LRRC4C: variants seen among roughly 807,000 people sequenced by gnomAD.
LRRC4C encodes the protein leucine rich repeat containing 4C, also known as leucine-rich repeat-containing protein 4C.
In LRRC4C, 5 loss-of-function variants were observed where a neutral mutation model predicts 33.6. That is an observed-to-expected ratio of 0.15 (90% CI 0.08 to 0.31). LRRC4C has a LOEUF of 0.31. LRRC4C is among the 10% of genes least tolerant of loss of function. The pLI, the probability that LRRC4C is intolerant of heterozygous loss-of-function variation, is 1.00. For missense variants in LRRC4C, 560 were observed against 796.7 expected (o/e 0.70, Z 3.58); for synonymous variants, 329 against 302.0 (o/e 1.09, Z -0.93).
chr11:41,456,426 G>A (rs1439847231), intron 1 of LRRC4C, among the ~76,000 whole-genome samples: 1 of 151,694 alleles, frequency 6.6e-6, no homozygotes, highest in Non-Finnish European at 1.5e-5. Flanking sequence ...TGTCAACCCT[G>A]TTTGTTACAG....
chr11:41,245,616 G>T (rs1021272369), intron 1 of LRRC4C, among the ~76,000 whole-genome samples: 7 of 152,348 alleles, frequency 4.6e-5, no homozygotes, highest in Admixed American at 3.9e-4. Context: ...GGAGCTCCTA[G>T]GTCTGGGCTC....
chr11:40,546,940 T>C (rs889349480), intron 3 of LRRC4C, among the ~76,000 whole-genome samples: 3 of 152,078 alleles, frequency 2.0e-5, no homozygotes, highest in Admixed American at 2.0e-4. Flanking sequence ...TGCCAGAAAA[T>C]GGCAATAGTT....
intron 1 of LRRC4C, among the ~76,000 whole-genome samples, chr11:41,308,423 A>T (rs1950560816): frequency 6.6e-6 from 1 of 152,152 alleles, no homozygotes; most frequent in African/African-American, 2.4e-5. Context: ...ACCATGTAAC[A>T]GGAGGCTGGC....
chr11:41,321,411 A>C (rs974372259), intron 1 of LRRC4C, among the ~76,000 whole-genome samples: 1 of 152,200 alleles, frequency 6.6e-6, no homozygotes, highest in Non-Finnish European at 1.5e-5. Context: ...GCTAGATTTA[A>C]GGAAAATTTT....
At chr11:41,174,548 T>A (rs1945113568) in intron 1 of LRRC4C, among the ~76,000 whole-genome samples, 1 of 152,126 alleles carries the variant, frequency 6.6e-6, no homozygotes, top group Non-Finnish European at 1.5e-5. Flanking sequence ...CAAATCTGCC[T>A]GGATTTTTTT....
intron 1 of LRRC4C, among the ~76,000 whole-genome samples, chr11:41,230,640 C>A (rs1947745419): frequency 6.6e-6 from 1 of 151,930 alleles, no homozygotes; most frequent in African/African-American, 2.4e-5. Context: ...TGTTTTCCTT[C>A]TCTTTCTAAA....
intron 4 of LRRC4C, among the ~76,000 whole-genome samples, chr11:40,309,515 A>ATT (rs72004575): frequency 0.58 from 84,808 of 145,848 alleles, 25,445 homozygotes; most frequent in East Asian, 0.69. Context: ...GCAGAAGTGT[A>ATT]TTTTTTTTTT....
chr11:40,749,093 A>G (rs1591620802), intron 2 of LRRC4C, among the ~76,000 whole-genome samples: 1 of 152,150 alleles, frequency 6.6e-6, no homozygotes, highest in East Asian at 1.9e-4. Context: ...AAGAAAAGCA[A>G]GATTTAAATT....
At chr11:41,264,778 T>C (rs1949096074) in intron 1 of LRRC4C, among the ~76,000 whole-genome samples, 1 of 152,152 alleles carries the variant, frequency 6.6e-6, no homozygotes, top group South Asian at 2.1e-4. Context: ...AGGATAGACA[T>C]ATTTTTAGAA....
At chr11:40,389,672 C>G (rs867378991) in intron 3 of LRRC4C, among the ~76,000 whole-genome samples, 1 of 152,060 alleles carries the variant, frequency 6.6e-6, no homozygotes, top group Non-Finnish European at 1.5e-5. Context: ...CTAATAATCT[C>G]CCCTAAATAT....
At chr11:41,416,652 AGGGCAGCT>A (rs1019523581) in intron 1 of LRRC4C, among the ~76,000 whole-genome samples, 143 of 152,162 alleles carry the variant, frequency 9.4e-4, no homozygotes, top group African/African-American at 3.3e-3. Context: ...GTTTCAAGTC[AGGGCAGCT>A]GGCTCTGAAA....
At chr11:40,734,308 T>C (rs1484385901) in intron 2 of LRRC4C, among the ~76,000 whole-genome samples, 1 of 152,186 alleles carries the variant, frequency 6.6e-6, no homozygotes, top group African/African-American at 2.4e-5. Context: ...TATAGAATGC[T>C]AAAATACATT....
At chr11:40,525,754 TA>T (rs1016783771) in intron 3 of LRRC4C, among the ~76,000 whole-genome samples, 7 of 152,140 alleles carry the variant, frequency 4.6e-5, no homozygotes, top group Non-Finnish European at 8.8e-5. Flanking sequence ...AAGCTGATTT[TA>T]AAAGGCCAAT....
At chr11:40,814,752 T>C (rs1565093751) in intron 2 of LRRC4C, among the ~76,000 whole-genome samples, 1 of 151,914 alleles carries the variant, frequency 6.6e-6, no homozygotes, top group Non-Finnish European at 1.5e-5. Flanking sequence ...TACAAATCTC[T>C]AGGGCAGGGG....
chr11:40,442,942 AC>A (rs2137984355), intron 3 of LRRC4C, among the ~76,000 whole-genome samples: 1 of 152,328 alleles, frequency 6.6e-6, no homozygotes, highest in Admixed American at 6.5e-5. Flanking sequence ...TAAAAGTGTA[AC>A]TTGCCCAAAG....
At chr11:40,828,646 A>C (rs1952271848) in intron 2 of LRRC4C, among the ~76,000 whole-genome samples, 1 of 151,912 alleles carries the variant, frequency 6.6e-6, no homozygotes, top group Admixed American at 6.6e-5. Context: ...GAAAAAAAAT[A>C]GTCTTAAACA....
intron 3 of LRRC4C, among the ~76,000 whole-genome samples, chr11:40,431,313 G>T (rs1950923868): frequency 6.8e-6 from 1 of 147,494 alleles, no homozygotes; most frequent in South Asian, 2.1e-4. Flanking sequence ...TGTAATCCCA[G>T]CTACTCAGGA....
chr11:40,947,811 A>G (rs902702167), intron 1 of LRRC4C, among the ~76,000 whole-genome samples: 1 of 151,826 alleles, frequency 6.6e-6, no homozygotes, highest in African/African-American at 2.4e-5. Context: ...CAGCTCTTTG[A>G]CTGTGTCCCC....
chr11:40,908,169 A>G (rs562237150), intron 2 of LRRC4C, among the ~76,000 whole-genome samples: 1 of 152,246 alleles, frequency 6.6e-6, no homozygotes, highest in African/African-American at 2.4e-5. Context: ...GTACCTGAGT[A>G]AAAGAATAGG....
Sources: allele counts gnomAD v4.1 joint callset (sites outside exome capture counted in the v4.1 genomes callset), GRCh38; gene constraint gnomAD v4.1.1; transcripts MANE v1.5; gene names NCBI Gene and HGNC (gene_info 2026-07-23, HGNC 2026-07-21).